The following MIGA1 variants were observed in gnomAD, a reference collection of about 807,000 sequenced individuals.
MIGA1 encodes family with sequence similarity 73, member A.
MIGA1 carries 58 observed loss-of-function variants against 82.0 expected under a neutral mutation model. The observed-to-expected ratio is 0.71, with a 90% CI of 0.57 to 0.88. The LOEUF is 0.88. Ranked by LOEUF, MIGA1 falls within the 40% of genes least tolerant of loss-of-function variation. MIGA1 has a pLI of 0.00. For missense variants in MIGA1, 751 were observed against 749.1 expected (o/e 1.00, Z -0.03); for synonymous variants, 249 against 253.6 (o/e 0.98, Z 0.17).
intron 9 of MIGA1, 50 bp from the exon 10 acceptor site, chr1:77,859,264 G>C: frequency 6.9e-7 from 1 of 1,439,076 alleles, no homozygotes; most frequent in Non-Finnish European, 9.8e-7. Context: ...TTTATAGTAG[G>C]CTTGATCTTG....
At chr1:77,862,491 G>A (rs568758791) in intron 12 of MIGA1, among the ~76,000 whole-genome samples, 5 of 151,946 alleles carry the variant, frequency 3.3e-5, no homozygotes, top group Non-Finnish European at 5.9e-5. Flanking sequence ...GGTGGCTCAC[G>A]CCTGTAATCC....
intron 8 of MIGA1, 71 bp from the exon 9 acceptor site, chr1:77,858,867 A>G (rs1258576420): frequency 3.6e-6 from 3 of 836,754 alleles, no homozygotes; most frequent in Admixed American, 2.0e-5. Context: ...TGATCCTCCC[A>G]AAGTGTTGCA....
intron 2 of MIGA1, among the ~76,000 whole-genome samples, chr1:77,787,409 A>G (rs929921997): frequency 6.7e-6 from 1 of 149,106 alleles, no homozygotes; most frequent in Non-Finnish European, 1.5e-5. Flanking sequence ...TTTGTAAGAC[A>G]GAATCTCACT....
chr1:77,830,013 A>G (rs74713299), intron 7 of MIGA1, among the ~76,000 whole-genome samples: 1 of 151,032 alleles, frequency 6.6e-6, no homozygotes, highest in Non-Finnish European at 1.5e-5. Context: ...ATATAGCTTT[A>G]TAATAAATCT....
chr1:77,866,391 G>C lies in MIGA1; in HGVS notation c.1563G>C (p.Lys521Asn). 1 of 1,613,734 alleles carries C rather than the reference G, an allele frequency of 6.2e-7. No individual in the cohort carries two copies. Among genetic ancestry groups the C allele is most frequent in the Non-Finnish European group, 8.5e-7 (1 of 1,179,754 alleles). ...TGAAACAGAAAAGACAACAGATGAA[G>C]GTAAAATTCGTTATGTCCTGAATTC... The change falls in exon 14 of 16, where the codon AAG (lysine) becomes AAC (asparagine). Residue 521 changes from lysine (K) to asparagine (N), a missense_variant and splice_region_variant. Physicochemically the swap from Lys to Asn is moderately conservative, Grantham distance 94 (BLOSUM62 0). Around this residue, in one of 3 missense-constraint regions of MIGA1, gnomAD observed 265 missense variants for 293.6 expected, o/e 0.90. Transcript: ENST00000370791.
intron 7 of MIGA1, among the ~76,000 whole-genome samples, chr1:77,842,118 A>C (rs947636790): frequency 7.9e-5 from 12 of 152,108 alleles, no homozygotes; most frequent in Non-Finnish European, 1.5e-4. Flanking sequence ...TGTCTGACAA[A>C]TTTGGCAGAT....
At chr1:77,874,252 TAATA>T (rs1646876078) in intron 15 of MIGA1, among the ~76,000 whole-genome samples, 1 of 152,172 alleles carries the variant, frequency 6.6e-6, no homozygotes, top group African/African-American at 2.4e-5. Flanking sequence ...TCAGTGTATA[TAATA>T]ACTTACTGAA....
At chr1:77,872,894 T>C in intron 14 of MIGA1, 110 bp from the exon 15 acceptor site, 1 of 1,427,990 alleles carries the variant, frequency 7.0e-7, no homozygotes, top group Middle Eastern at 1.8e-4. Flanking sequence ...AAAACAAATT[T>C]TCTTAAACTC....
At chr1:77,816,786 A>G (rs1366534256) in intron 7 of MIGA1, among the ~76,000 whole-genome samples, 1 of 152,234 alleles carries the variant, frequency 6.6e-6, no homozygotes, top group Admixed American at 6.5e-5. Context: ...TGTAACTTTA[A>G]TTAGAACGTC....
chr1:77,870,721 G>A (rs1571024857), intron 14 of MIGA1, among the ~76,000 whole-genome samples: 3 of 150,184 alleles, frequency 2.0e-5, no homozygotes, highest in Non-Finnish European at 1.5e-5. Flanking sequence ...ACTTTGGGGG[G>A]CCAAGGCAGG....
rs1025914380 is a variant in MIGA1, at chr1:77,872,871, A to G, written c.1564-133A>G. Reference sequence around the variant, plus strand: ...GGCCAGGAGTTTGAGGTGTTGCTAGACTCTGGTTCTAAAAAACAAATTTTC... The same window carrying G: ...GGCCAGGAGTTTGAGGTGTTGCTAGGCTCTGGTTCTAAAAAACAAATTTTC... On this transcript the variant is annotated intron_variant, in intron 14 of 15. Transcript: ENST00000370791. 9 of 1,060,830 alleles carry G rather than the reference A, an allele frequency of 8.5e-6. No individual in the cohort carries two copies. In the African/African-American group the frequency reaches 1.4e-4, roughly 17 times the overall value. 65.7% of individuals were successfully genotyped at this position (1,060,830 alleles called of 1,614,324 possible).
intron 4 of MIGA1, among the ~76,000 whole-genome samples, chr1:77,804,791 G>A (rs999867276): frequency 6.6e-6 from 1 of 151,764 alleles, no homozygotes; most frequent in Non-Finnish European, 1.5e-5. Context: ...CACCACACCC[G>A]GGTAGTTTTT....
intron 7 of MIGA1, among the ~76,000 whole-genome samples, chr1:77,836,828 A>G (rs1684441506): frequency 6.6e-6 from 1 of 152,176 alleles, no homozygotes; most frequent in Admixed American, 6.6e-5. Flanking sequence ...AATTGATAGA[A>G]AAGAACATTG....
chr1:77,873,077 T>C lies in MIGA1; in HGVS notation c.1637T>C (p.Leu546Ser). ...AGTCCTGTCCTAGCCTGGGGCTTTT[T>C]GGGTCCTAGAAATTCTCTGTATGAT... Residue 546 changes from leucine to serine, a missense_variant, in exon 15 of 16, where the codon TTG becomes TCG. Transcript: ENST00000370791. The C allele has an allele frequency of 1.2e-6, 2 of 1,613,880 alleles. No individual in the cohort carries two copies. The highest frequency in any genetic ancestry group is 1.7e-6 in the Non-Finnish European group (2 of 1,179,810).
At chr1:77,782,630 CA>C (rs1681972887) in intron 1 of MIGA1, among the ~76,000 whole-genome samples, 1 of 152,200 alleles carries the variant, frequency 6.6e-6, no homozygotes, top group Admixed American at 6.5e-5. Flanking sequence ...TCTCTGTACT[CA>C]TCTGACTTTT....
At chr1:77,805,788 C>T (rs1203248276) in intron 4 of MIGA1, among the ~76,000 whole-genome samples, 1 of 152,110 alleles carries the variant, frequency 6.6e-6, no homozygotes, top group East Asian at 1.9e-4. Context: ...CTCCAAAGTG[C>T]TGGGATTACA....
At chr1:77,844,387 G>T (rs1684759739) in intron 8 of MIGA1, among the ~76,000 whole-genome samples, 1 of 151,690 alleles carries the variant, frequency 6.6e-6, no homozygotes, top group South Asian at 2.1e-4. Context: ...TTATAATTTT[G>T]TAAAAAGGAA....
intron 8 of MIGA1, among the ~76,000 whole-genome samples, chr1:77,848,971 G>A (rs546060900): frequency 7.2e-5 from 11 of 152,144 alleles, no homozygotes; most frequent in East Asian, 1.9e-4. Flanking sequence ...TTGGATGTTT[G>A]GATGTGGATG....
intron 13 of MIGA1, among the ~76,000 whole-genome samples, chr1:77,865,875 T>C (rs1394594416): frequency 6.6e-6 from 1 of 152,110 alleles, no homozygotes; most frequent in East Asian, 1.9e-4. Flanking sequence ...TTCATTAATA[T>C]TTTCAAACAA....
Sources: gnomAD v4.1 joint callset for allele counts (sites outside exome capture counted in the v4.1 genomes callset) on GRCh38, gnomAD v4.1.1 for gene constraint, gnomAD v4.1.1 regional missense constraint, MANE v1.5 for transcripts, NCBI Gene and HGNC (gene_info 2026-07-23, HGNC 2026-07-21) for gene names.